The following CHD6 variants were observed in gnomAD, a reference collection of about 807,000 sequenced individuals.
CHD6 encodes chromodomain helicase DNA binding protein 6.
Under a neutral mutation model 276.9 loss-of-function variants are expected in CHD6, and 50 were observed. The observed-to-expected ratio is 0.18, with a 90% CI of 0.14 to 0.23. CHD6 has a LOEUF of 0.23. Ranked by LOEUF, CHD6 falls within the 10% of genes least tolerant of loss-of-function variation. The pLI is 1.00. For missense variants in CHD6, 2,564 were observed against 3,365.8 expected (o/e 0.76, Z 5.89); for synonymous variants, 1,173 against 1,229.3 (o/e 0.95, Z 0.96).
intron 1 of CHD6, among the ~76,000 whole-genome samples, chr20:41,590,462 C>G (rs1239588449): frequency 6.6e-6 from 1 of 152,178 alleles, no homozygotes; most frequent in African/African-American, 2.4e-5. Flanking sequence ...ACAATCTACT[C>G]ATCTGACAAA....
At chr20:41,521,886 C>T (rs150074512) in intron 3 of CHD6, among the ~76,000 whole-genome samples, 37 of 152,306 alleles carry the variant, frequency 2.4e-4, no homozygotes, top group African/African-American at 8.9e-4. Flanking sequence ...CTGAGACCAT[C>T]TGAACACCAA....
At chr20:41,556,614 G>A (rs966893233) in intron 1 of CHD6, among the ~76,000 whole-genome samples, 13 of 152,102 alleles carry the variant, frequency 8.5e-5, no homozygotes, top group Non-Finnish European at 1.8e-4. Context: ...GAATGATGGC[G>A]ATGTTACTGT....
intron 3 of CHD6, among the ~76,000 whole-genome samples, chr20:41,522,056 T>G (rs908623320): frequency 1.3e-5 from 2 of 152,194 alleles, no homozygotes; most frequent in African/African-American, 4.8e-5. Context: ...AAAATAATTT[T>G]GAGGCTGGGT....
intron 5 of CHD6, among the ~76,000 whole-genome samples, chr20:41,501,330 A>G (rs2043824861): frequency 6.6e-6 from 1 of 152,208 alleles, no homozygotes; most frequent in African/African-American, 2.4e-5. Context: ...GAATTTTTAC[A>G]TACAGAAATG....
At chr20:41,505,648 A>AT (rs2043959438) in intron 5 of CHD6, among the ~76,000 whole-genome samples, 1 of 151,476 alleles carries the variant, frequency 6.6e-6, no homozygotes, top group South Asian at 2.1e-4. Context: ...TTATATATAT[A>AT]TTTTTTCCAA....
At chr20:41,589,880 G>C (rs2045637662) in intron 1 of CHD6, among the ~76,000 whole-genome samples, 1 of 152,076 alleles carries the variant, frequency 6.6e-6, no homozygotes, top group African/African-American at 2.4e-5. Flanking sequence ...AGTTCATATG[G>C]AACCAAAAAA....
chr20:41,525,644 G>A (rs919341864), intron 3 of CHD6, among the ~76,000 whole-genome samples: 6 of 152,174 alleles, frequency 3.9e-5, no homozygotes, highest in East Asian at 1.9e-4. Flanking sequence ...AGCAGGCTGC[G>A]TGTACCATCT....
intron 32 of CHD6, 66 bp from the exon 33 acceptor site, chr20:41,416,860 G>C (rs1319237965): frequency 7.4e-7 from 1 of 1,343,474 alleles, no homozygotes; most frequent in African/African-American, 1.5e-5. Context: ...AATCCTTTGA[G>C]ATCAAGGGTT....
intron 25 of CHD6, among the ~76,000 whole-genome samples, chr20:41,440,753 T>C (rs1186940061): frequency 6.6e-6 from 1 of 152,158 alleles, no homozygotes; most frequent in African/African-American, 2.4e-5. Context: ...AAAACCCTGA[T>C]TTTGTTTGAT....
chr20:41,456,545 G>A (rs570418208), intron 18 of CHD6, among the ~76,000 whole-genome samples: 79 of 152,012 alleles, frequency 5.2e-4, no homozygotes, highest in Non-Finnish European at 1.1e-3. Flanking sequence ...AATCACAAGA[G>A]GGAATTCCAT....
intron 27 of CHD6, 92 bp from the exon 28 acceptor site, chr20:41,426,245 C>CA (rs1257212502): frequency 2.3e-6 from 2 of 884,530 alleles, no homozygotes; most frequent in Non-Finnish European, 3.9e-6. Context: ...AAGCATCACG[C>CA]ATAAGAGCTG....
intron 2 of CHD6, 131 bp downstream of exon 2, chr20:41,551,174 G>A (rs1472258269): frequency 1.5e-6 from 1 of 670,662 alleles, no homozygotes; most frequent in African/African-American, 1.9e-5. Flanking sequence ...AGAGCTCTCA[G>A]TTACTATAAT....
chr20:41,473,663 T>C lies in CHD6; in HGVS notation c.2469-146A>G. ...AATGACAGCAGTCTAGAAGGAATCC[T>C]GCCCCCTACATATGCAGCAGGGCAG... is the stretch of plus-strand genomic sequence containing the variant. On this transcript the variant is annotated intron_variant, in intron 16 of 36. Transcript: ENST00000373233. This position sits in a 1 kb window ranked among gnomAD's most constrained non-coding sequence, Gnocchi z 4.1. The C allele has an allele frequency of 1.6e-6, 1 of 637,604 alleles. No homozygotes were observed. The highest frequency in any genetic ancestry group is 2.0e-5 in the South Asian group (1 of 50,474). The allele number at this position is 637,604 out of a possible 1,614,324, so 39.5% of individuals were successfully genotyped here. A position where few individuals can be genotyped will look rare whatever the true frequency, so the allele number is the denominator to read the frequency against.
At chr20:41,542,510 G>A (rs2044963321) in intron 2 of CHD6, among the ~76,000 whole-genome samples, 1 of 151,876 alleles carries the variant, frequency 6.6e-6, no homozygotes, top group African/African-American at 2.4e-5. Context: ...GGCTAACATG[G>A]TAAAACCCCG....
rs576611309 is a variant in CHD6, at chr20:41,563,543, C to A, written c.-23-12183G>T. Among the ~76,000 whole-genome samples, 30 of 152,222 alleles carry A rather than the reference C, an allele frequency of 2.0e-4. No individual in the cohort carries two copies. The East Asian group carries it at 2.9e-3, about 15-fold the overall frequency. On this transcript the variant is annotated intron_variant, in intron 1 of 36. Coordinates refer to ENST00000373233, the MANE Select transcript of CHD6 (RefSeq NM_032221.5). ...ATTTCAGTGATGAGTGAGGCACATT[C>A]GCACAATTCAAGAGGAGAAATACCA... is the stretch of plus-strand genomic sequence containing the variant.
intron 36 of CHD6, among the ~76,000 whole-genome samples, chr20:41,411,690 T>C (rs547970892): frequency 2.0e-5 from 3 of 152,270 alleles, no homozygotes; most frequent in South Asian, 4.1e-4. Context: ...GATGCTATAA[T>C]AGGAAAAGGG....
chr20:41,610,350 T>C (rs1000622138), intron 1 of CHD6, among the ~76,000 whole-genome samples: 6 of 152,020 alleles, frequency 3.9e-5, no homozygotes, highest in Non-Finnish European at 7.4e-5. Context: ...ACCAAAGAAA[T>C]TGCTTCTATT....
Position 41,421,586 on chromosome 20 carries a change from A to T in CHD6, c.5049T>A (p.Ile1683=). 5.0e-6 allele frequency: 8 copies of T among 1,613,966 alleles called. No individual in the cohort carries two copies. Among genetic ancestry groups the T allele is most frequent in the Non-Finnish European group, 5.9e-6 (7 of 1,179,954 alleles). Residue 1683 remains isoleucine, a synonymous_variant, in exon 31 of 37, where the codon ATT becomes ATA. Transcript: ENST00000373233. ...SLPDVTCENF[I]SKVQDVISIN... ...TGGAAATGACATCCTGAACTTTAGA[A>T]ATAAAGTTTTCACATGTCACATCAG...
In CHD6 at chr20:41,596,872, C is replaced by T. The variant is rs143899321; in HGVS notation, c.-24+21468G>A. 1.4e-4 allele frequency among the ~76,000 whole-genome samples: 22 copies of T among 152,156 alleles called. No homozygotes were observed. The East Asian group carries it at 3.9e-3, about 27-fold the overall frequency. On this transcript the variant is annotated intron_variant, in intron 1 of 36. Transcript: ENST00000373233. ...AATAGAGAACTGGAAATGGAAAGAT[C>T]GGCCTATAGAGGAACCTTTGAGGGA...
Sources: gnomAD v4.1 joint callset for allele counts (sites outside exome capture counted in the v4.1 genomes callset) on GRCh38, gnomAD v4.1.1 for gene constraint, Gnocchi (gnomAD v3.1) non-coding constraint, MANE v1.5 for transcripts, NCBI Gene and HGNC (gene_info 2026-07-23, HGNC 2026-07-21) for gene names.